LIN28B: variants seen among roughly 807,000 people sequenced by gnomAD.
The protein encoded by LIN28B is protein lin-28 homolog B.
LIN28B carries 5 observed loss-of-function variants against 21.9 expected under a neutral mutation model. The ratio of observed to expected loss-of-function variants is 0.23; its 90% CI spans 0.12 to 0.48. LIN28B has a LOEUF of 0.48. LIN28B is among the 20% of genes least tolerant of loss of function. The pLI, the probability that LIN28B is intolerant of heterozygous loss-of-function variation, is 0.98. For missense variants in LIN28B, 245 were observed against 310.5 expected (o/e 0.79, Z 1.58); for synonymous variants, 109 against 111.3 (o/e 0.98, Z 0.13).
At chr6:105,040,749 A>G (rs1771615930) in intron 3 of LIN28B, among the ~76,000 whole-genome samples, 2 of 152,052 alleles carry the variant, frequency 1.3e-5, no homozygotes, top group African/African-American at 4.8e-5. Flanking sequence ...TCTCATATCT[A>G]TTAGAGTTTT....
In LIN28B at chr6:105,078,589, T is replaced by C; in HGVS notation, c.559T>C (p.Cys187Arg). ...AAGACAGGAAGCAGAATCCCAGCCATGCACTTCAACTCTCCCTCGAGAAGT... is the reference window on the plus strand; with the variant it reads ...AAGACAGGAAGCAGAATCCCAGCCACGCACTTCAACTCTCCCTCGAGAAGT... ...QGRQEAESQP[C>R]TSTLPREVGG... The change falls in exon 4 of 4, where the codon TGC (cysteine) becomes CGC (arginine). Residue 187 changes from cysteine to arginine, a missense_variant. By Grantham distance (180) the Cys-to-Arg change is radical. Coordinates refer to ENST00000345080, the MANE Select transcript of LIN28B (RefSeq NM_001004317.4). The C allele has an allele frequency of 1.2e-6, 2 of 1,614,102 alleles. No homozygotes were observed. Among genetic ancestry groups the C allele is most frequent in the African/African-American group, 1.3e-5 (1 of 75,014 alleles).
chr6:104,949,634 G>A (rs1200599324), intron 2 of LIN28B, among the ~76,000 whole-genome samples: 1 of 152,184 alleles, frequency 6.6e-6, no homozygotes, highest in Non-Finnish European at 1.5e-5. Context: ...AACTCTGGGT[G>A]TAGCAGGTGA....
intron 2 of LIN28B, among the ~76,000 whole-genome samples, chr6:105,014,792 TA>T (rs1252342515): frequency 1.3e-5 from 2 of 152,020 alleles, no homozygotes; most frequent in African/African-American, 4.8e-5. Context: ...ATAAAGTACT[TA>T]AATCTAAATT....
intron 2 of LIN28B, among the ~76,000 whole-genome samples, chr6:104,975,795 C>T (rs1020902960): frequency 1.3e-5 from 2 of 151,842 alleles, no homozygotes; most frequent in Non-Finnish European, 2.9e-5. Flanking sequence ...GCTGGGACTA[C>T]AGGTGCGTGC....
At position 105,079,733 on chromosome 6, in the gene LIN28B, C is replaced by G. The variant is rs929158239; in HGVS notation, c.*950C>G. 1.1e-4 allele frequency: 16 copies of G among 152,314 alleles called. No homozygotes were observed. The highest frequency in any genetic ancestry group is 2.4e-4 in the Non-Finnish European group (16 of 68,016). 9.4% of individuals were successfully genotyped at this position (152,314 alleles called of 1,614,324 possible). On this transcript the variant is annotated 3_prime_UTR_variant, in exon 4 of 4. Coordinates refer to ENST00000345080, the MANE Select transcript of LIN28B (RefSeq NM_001004317.4). ...TCTACCCATTGCTTAGAGCAGGGAG[C>G]CCTCCTTATTTACTACTGAAGACCT...
chr6:105,006,843 G>T (rs537671275), intron 2 of LIN28B, among the ~76,000 whole-genome samples: 10 of 152,210 alleles, frequency 6.6e-5, no homozygotes, highest in African/African-American at 2.2e-4. Context: ...CTTCCCAAAA[G>T]TACCTAAGCT....
At chr6:105,022,130 T>C in intron 2 of LIN28B, among the ~76,000 whole-genome samples, 1 of 151,624 alleles carries the variant, frequency 6.6e-6, no homozygotes, top group Non-Finnish European at 1.5e-5. Flanking sequence ...ACAAGGGACT[T>C]AACAGGCTAA....
intron 2 of LIN28B, among the ~76,000 whole-genome samples, chr6:104,995,836 C>CT (rs1770587396): frequency 6.6e-6 from 1 of 151,358 alleles, no homozygotes; most frequent in Non-Finnish European, 1.5e-5. Flanking sequence ...ATAAACTAAA[C>CT]TAAAAAAAAT....
intron 3 of LIN28B, among the ~76,000 whole-genome samples, chr6:105,036,112 AT>A (rs1467941910): frequency 6.6e-6 from 1 of 152,028 alleles, no homozygotes; most frequent in Non-Finnish European, 1.5e-5. Context: ...TTTTACTTGT[AT>A]GCTTTTTTTC....
intron 2 of LIN28B, among the ~76,000 whole-genome samples, chr6:104,944,709 A>G (rs146064385): frequency 1.3e-3 from 201 of 152,230 alleles, no homozygotes; most frequent in African/African-American, 4.7e-3. Flanking sequence ...CTGAAAAGTA[A>G]TGTTGTAATA....
At chr6:104,960,836 A>G (rs1483378500) in intron 2 of LIN28B, among the ~76,000 whole-genome samples, 2 of 152,296 alleles carry the variant, frequency 1.3e-5, no homozygotes, top group South Asian at 4.1e-4. Flanking sequence ...TGAGCTGTGT[A>G]TTTGTAGTTA....
At chr6:105,009,075 G>C (rs572014732) in intron 2 of LIN28B, among the ~76,000 whole-genome samples, 12 of 152,258 alleles carry the variant, frequency 7.9e-5, no homozygotes, top group African/African-American at 2.9e-4. Flanking sequence ...TTGTGTGTGT[G>C]AATGGCTGTG....
intron 3 of LIN28B, among the ~76,000 whole-genome samples, chr6:105,033,744 C>T (rs1346442233): frequency 6.6e-6 from 1 of 151,670 alleles, no homozygotes; most frequent in African/African-American, 2.4e-5. Context: ...TATATTTCTT[C>T]TATAAAACTA....
rs746043606 is a variant in LIN28B at position 105,078,444 on chromosome 6, T to C, written c.414T>C (p.His138=). The change falls in exon 4 of 4, where the codon CAT becomes CAC. Residue 138 remains histidine (H), a synonymous_variant. Coordinates refer to ENST00000345080, the MANE Select transcript of LIN28B (RefSeq NM_001004317.4). The part of the protein sequence containing the change: ...RCYNCGGLDH[H]AKECSLPPQP... ...ACAACTGTGGTGGCCTTGATCATCA[T>C]GCTAAGGAATGTAGTCTACCTCCTC... is the stretch of plus-strand genomic sequence containing the variant. 7 of 1,611,030 alleles carry C rather than the reference T, an allele frequency of 4.3e-6. No individual in the cohort carries two copies. In the East Asian group the frequency reaches 1.1e-4, roughly 26 times the overall value.
chr6:105,070,536 C>T (rs1562114086), intron 3 of LIN28B, among the ~76,000 whole-genome samples: 1 of 149,848 alleles, frequency 6.7e-6, no homozygotes, highest in Non-Finnish European at 1.5e-5. Context: ...TGCTTGAGCC[C>T]AGGAGTTAGA....
chr6:105,062,532 T>C (rs967779028), intron 3 of LIN28B, among the ~76,000 whole-genome samples: 1 of 152,136 alleles, frequency 6.6e-6, no homozygotes, highest in Non-Finnish European at 1.5e-5. Context: ...AAAAACTGCA[T>C]TGGAAATTAG....
At chr6:105,024,758 G>A (rs1771252795) in intron 2 of LIN28B, among the ~76,000 whole-genome samples, 2 of 152,192 alleles carry the variant, frequency 1.3e-5, no homozygotes, top group South Asian at 4.1e-4. Flanking sequence ...ATGAATTTTT[G>A]AAGTTTTGTT....
exon 3 of LIN28B, chr6:104,950,470 A>G: frequency 8.1e-7 from 1 of 1,229,680 alleles, no homozygotes; most frequent in Non-Finnish European, 1.0e-6. Flanking sequence ...GGTTCTTCAG[A>G]AGAGGATGAG....
intron 2 of LIN28B, among the ~76,000 whole-genome samples, chr6:104,937,940 T>C (rs1472185341): frequency 6.7e-6 from 1 of 150,318 alleles, no homozygotes; most frequent in African/African-American, 2.4e-5. Context: ...AGGCCAAGCA[T>C]GGTGGTTCAT....
Sources: gnomAD v4.1 joint callset for allele counts (sites outside exome capture counted in the v4.1 genomes callset) on GRCh38, gnomAD v4.1.1 for gene constraint, MANE v1.5 for transcripts, NCBI Gene and HGNC (gene_info 2026-07-23, HGNC 2026-07-21) for gene names.